TNPO1: variants seen among roughly 807,000 people sequenced by gnomAD.
TNPO1 encodes the protein transportin 1, also known as transportin-1.
Under a neutral mutation model 119.5 loss-of-function variants are expected in TNPO1, and 8 were observed. The observed-to-expected ratio is 0.07, with a 90% CI of 0.04 to 0.12. TNPO1 has a LOEUF of 0.12. Ranked by LOEUF, TNPO1 falls within the 10% of genes least tolerant of loss-of-function variation. TNPO1 has a pLI of 1.00. For missense variants in TNPO1, 576 were observed against 1,089.8 expected, an observed-to-expected ratio of 0.53 and a Z score of 6.64; for synonymous variants, 362 against 363.0, an observed-to-expected ratio of 1.00 and a Z score of 0.03.
At chr5:72,816,847 G>A in intron 1 of TNPO1, 95 bp downstream of exon 1, 2 of 1,421,026 alleles carry the variant, frequency 1.4e-6, no homozygotes, top group Non-Finnish European at 1.9e-6. Flanking sequence ...GAGAGACGCC[G>A]GGCTCGCCCG....
Position 72,908,927 on chromosome 5 carries a change from C to A in TNPO1, c.*254C>A. 2.2e-6 allele frequency: 1 copy of A among 451,052 alleles called. No homozygotes were observed. The highest frequency in any genetic ancestry group is 7.0e-5 in the East Asian group (1 of 14,192). The allele number at this position is 451,052 out of a possible 1,614,324, so 27.9% of individuals were successfully genotyped here. On this transcript the variant is annotated 3_prime_UTR_variant, in exon 25 of 25. Transcript: ENST00000337273. ...GGAAATATGTCTCCAGTTACAACTC[C>A]GCAGTGGATGTGAAGAAGCAAAAAA...
In TNPO1 at chr5:72,848,368, T is replaced by G. The variant is rs1745250547; in HGVS notation, c.16-17T>G. The G allele has an allele frequency of 1.9e-6, 3 of 1,608,386 alleles. No homozygotes were observed. The highest frequency in any genetic ancestry group is 1.3e-5 in the African/African-American group (1 of 74,596). On this transcript the variant is annotated splice_polypyrimidine_tract_variant and intron_variant, in intron 1 of 24. Coordinates refer to ENST00000337273, the MANE Select transcript of TNPO1 (RefSeq NM_002270.4). ...AACAGTTGCTCCGTCTCTTCCTGTG[T>G]CTGGCTTTATTTGCAGCAAACCAAG...
intron 1 of TNPO1, among the ~76,000 whole-genome samples, chr5:72,817,131 C>T (rs944385525): frequency 1.2e-4 from 19 of 152,354 alleles, no homozygotes; most frequent in African/African-American, 4.1e-4. Context: ...CCCGGGACGG[C>T]TGCCTTTCAC....
rs541781264 is a variant in TNPO1, at chr5:72,818,532, TG to T, written c.15+1781del. On this transcript the variant is annotated intron_variant, in intron 1 of 24. Transcript: ENST00000337273. ...TTTTAACCATGTTGGATTCTGCAAATGTTTTTTTAAGAAAAGAAACCTGGTT... is the reference window on the plus strand; with the variant it reads ...TTTTAACCATGTTGGATTCTGCAAATTTTTTTTAAGAAAAGAAACCTGGTT... 1.3e-4 allele frequency among the ~76,000 whole-genome samples: 20 copies of T among 152,330 alleles called. No individual in the cohort carries two copies. The East Asian group carries it at 2.3e-3, about 18-fold the overall frequency.
At chr5:72,882,180 A>G (rs1748293659) in intron 9 of TNPO1, among the ~76,000 whole-genome samples, 1 of 152,182 alleles carries the variant, frequency 6.6e-6, no homozygotes, top group South Asian at 2.1e-4. Context: ...TCTAATGTTT[A>G]ATTACTACTA....
intron 4 of TNPO1, among the ~76,000 whole-genome samples, chr5:72,859,959 A>G (rs1746301194): frequency 6.6e-6 from 1 of 152,186 alleles, no homozygotes; most frequent in South Asian, 2.1e-4. Flanking sequence ...ATTTGCAGGA[A>G]CGATCAGATC....
At chr5:72,872,553 T>C (rs1246571923) in intron 6 of TNPO1, 86 bp from the exon 7 acceptor site, 19 of 861,358 alleles carry the variant, frequency 2.2e-5, no homozygotes, top group Non-Finnish European at 3.4e-5. Context: ...ATCATAATAT[T>C]TTTATGGAGG....
chr5:72,817,773 G>A (rs1349673443), intron 1 of TNPO1, among the ~76,000 whole-genome samples: 2 of 152,224 alleles, frequency 1.3e-5, no homozygotes, highest in Admixed American at 1.3e-4. Flanking sequence ...GGAAATGAAG[G>A]TTGTAAAATG....
intron 14 of TNPO1, among the ~76,000 whole-genome samples, 196 bp from the exon 15 acceptor site, chr5:72,891,614 G>C (rs576209652): frequency 1.3e-5 from 2 of 152,086 alleles, no homozygotes; most frequent in Admixed American, 1.3e-4. Context: ...CTAGAACACG[G>C]TCATGTAAGT....
intron 4 of TNPO1, among the ~76,000 whole-genome samples, chr5:72,857,328 AAG>A (rs1554050513): frequency 2.0e-5 from 3 of 151,990 alleles, no homozygotes; most frequent in African/African-American, 7.3e-5. Flanking sequence ...AAAAAAAAAA[AAG>A]AGTTCCTGTT....
Position 72,827,866 on chromosome 5 carries a change from T to A in TNPO1, c.15+11114T>A, listed in dbSNP as rs142536375. On this transcript the variant is annotated intron_variant, in intron 1 of 24. Coordinates refer to ENST00000337273, the MANE Select transcript of TNPO1 (RefSeq NM_002270.4). ...GGCTGGGAGGTCAAGGTTGCAGTGA[T>A]CTGTGGTCATGCCACTGCACTCCAG... Among the ~76,000 whole-genome samples, 724 of 150,564 alleles carry A rather than the reference T, an allele frequency of 4.8e-3. 7 individuals carry two copies. The highest frequency in any genetic ancestry group is 0.017 in the African/African-American group (702 of 40,878).
chr5:72,854,201 G>A (rs1745808073), intron 3 of TNPO1, among the ~76,000 whole-genome samples: 1 of 152,186 alleles, frequency 6.6e-6, no homozygotes, highest in Non-Finnish European at 1.5e-5. Context: ...TAACTTTTAA[G>A]AGAATTTAAA....
intron 23 of TNPO1, among the ~76,000 whole-genome samples, chr5:72,904,375 C>G (rs993016318): frequency 6.6e-6 from 1 of 152,182 alleles, no homozygotes; most frequent in Non-Finnish European, 1.5e-5. Context: ...TCAGAGATTG[C>G]TTAGAGTATA....
chr5:72,902,049 TG>T (rs1382555450), intron 22 of TNPO1, among the ~76,000 whole-genome samples: 2 of 150,684 alleles, frequency 1.3e-5, no homozygotes, highest in African/African-American at 4.9e-5. Context: ...CACTCCAGTC[TG>T]GGGGACAAGA....
At chr5:72,825,913 A>T (rs1744189889) in intron 1 of TNPO1, 1 of 152,192 alleles carries the variant, frequency 6.6e-6, no homozygotes. Flanking sequence ...CCTTTCATTC[A>T]CTCAGAGAAA....
intron 6 of TNPO1, among the ~76,000 whole-genome samples, chr5:72,871,112 G>C (rs1747366122): frequency 6.6e-6 from 1 of 152,112 alleles, no homozygotes; most frequent in South Asian, 2.1e-4. Flanking sequence ...GAATAGCTGG[G>C]ATTACAGGCA....
chr5:72,893,318 A>G, intron 16 of TNPO1, 59 bp from the exon 17 acceptor site: 2 of 1,605,496 alleles, frequency 1.2e-6, no homozygotes, highest in Non-Finnish European at 1.7e-6. Context: ...TAATGTATAC[A>G]GACTTTTTAA....
chr5:72,850,561 T>C (rs182151840), intron 2 of TNPO1, among the ~76,000 whole-genome samples: 9 of 151,342 alleles, frequency 5.9e-5, no homozygotes, highest in Non-Finnish European at 8.9e-5. Flanking sequence ...TAGTTAGGGG[T>C]TGGGAGTCAG....
At chr5:72,902,424 A>T (rs1749861676) in intron 22 of TNPO1, among the ~76,000 whole-genome samples, 1 of 152,150 alleles carries the variant, frequency 6.6e-6, no homozygotes, top group Non-Finnish European at 1.5e-5. Context: ...ACACTCATAA[A>T]ATATTCATAA....
Sources: gnomAD v4.1 joint callset for allele counts (sites outside exome capture counted in the v4.1 genomes callset) on GRCh38, gnomAD v4.1.1 for gene constraint, MANE v1.5 for transcripts, NCBI Gene and HGNC (gene_info 2026-07-23, HGNC 2026-07-21) for gene names.